The following GAD2 variants were observed in gnomAD, a reference collection of about 807,000 sequenced individuals.
The protein encoded by GAD2 is 65 kDa glutamic acid decarboxylase.
Under a neutral mutation model 80.1 loss-of-function variants are expected in GAD2, and 22 were observed. The observed-to-expected ratio is 0.27, with a 90% CI of 0.20 to 0.39. The LOEUF (loss-of-function observed/expected upper bound fraction) is 0.39. Among genes scored for constraint, GAD2 ranks in the 10% least tolerant of loss-of-function variants. The pLI, the probability that GAD2 is intolerant of heterozygous loss-of-function variation, is 1.00. For synonymous variants in GAD2, 274 were observed against 256.9 expected (o/e 1.07, Z -0.64); for missense variants, 624 against 738.4 (o/e 0.85, Z 1.80).
chr10:26,219,786 G>T (rs982972989), intron 4 of GAD2, among the ~76,000 whole-genome samples: 1 of 152,154 alleles, frequency 6.6e-6, no homozygotes, highest in Non-Finnish European at 1.5e-5. Context: ...CAACCTTTCA[G>T]ATTTGAATTC....
chr10:26,289,795 T>C (rs1834193910), intron 13 of GAD2, among the ~76,000 whole-genome samples: 1 of 73,680 alleles, frequency 1.4e-5, no homozygotes, highest in Non-Finnish European at 2.9e-5. Context: ...CCCCCCACCT[T>C]TTTTTTTTTT....
chr10:26,239,411 C>G (rs1263745361), intron 7 of GAD2, among the ~76,000 whole-genome samples: 1 of 152,158 alleles, frequency 6.6e-6, no homozygotes, highest in Non-Finnish European at 1.5e-5. Flanking sequence ...TTAGAATAGG[C>G]TTTAGATTTG....
chr10:26,284,333 G>A (rs1346474722), intron 12 of GAD2, among the ~76,000 whole-genome samples: 1 of 152,176 alleles, frequency 6.6e-6, no homozygotes, highest in Non-Finnish European at 1.5e-5. Flanking sequence ...CAGTATCTAA[G>A]AAGAAAGACT....
At chr10:26,246,285 C>T (rs1307147341) in intron 8 of GAD2, among the ~76,000 whole-genome samples, 1 of 152,172 alleles carries the variant, frequency 6.6e-6, no homozygotes, top group Non-Finnish European at 1.5e-5. Flanking sequence ...ATCACCTGGG[C>T]ACGTTAGCAA....
rs1251400548 is a variant in GAD2 at position 26,229,741 on chromosome 10, T to C, written c.804T>C (p.Ala268=). ...CAGAAGTCAAGGAGAAAGGAATGGC[T>C]GCTCTTCCCAGGCTCATTGCCTTCA... ...MFPEVKEKGM[A]ALPRLIAFTS... is the part of the protein sequence containing the mutation. The change falls in exon 7 of 16, where the codon GCT becomes GCC. Residue 268 remains alanine (A), a synonymous_variant. Coordinates refer to ENST00000376261, the MANE Select transcript of GAD2 (RefSeq NM_001134366.2). 1.2e-6 allele frequency: 2 copies of C among 1,613,982 alleles called. No individual in the cohort carries two copies. Among genetic ancestry groups the C allele is most frequent in the Non-Finnish European group, 1.7e-6 (2 of 1,179,960 alleles).
At position 26,300,899 on chromosome 10, in the gene GAD2, G is replaced by A. The variant is rs1834322405; in HGVS notation, c.1696G>A (p.Ala566Thr). Residue 566 changes from alanine (A) to threonine (T), a missense_variant, in exon 16 of 16, where the codon GCA (alanine) becomes ACA (threonine). Physicochemically the swap from Ala to Thr is moderately conservative, Grantham distance 58. Transcript: ENST00000376261. Reference sequence around the variant, plus strand: ...CCGCATGGTCATCTCAAACCCAGCGGCAACTCACCAAGACATTGACTTCCT... The same window carrying A: ...CCGCATGGTCATCTCAAACCCAGCGACAACTCACCAAGACATTGACTTCCT... ...FFRMVISNPA[A>T]THQDIDFLIE... 4 of 1,613,880 alleles carry A rather than the reference G, an allele frequency of 2.5e-6. No homozygotes were observed. The highest frequency in any genetic ancestry group is 3.4e-6 in the Non-Finnish European group (4 of 1,179,854).
intron 7 of GAD2, among the ~76,000 whole-genome samples, chr10:26,235,173 C>T (rs1844656695): frequency 6.6e-6 from 1 of 152,054 alleles, no homozygotes; most frequent in Non-Finnish European, 1.5e-5. Context: ...TGTGCCCGGC[C>T]CCGTTAGTTA....
intron 8 of GAD2, among the ~76,000 whole-genome samples, chr10:26,254,014 TTTTC>T (rs1179901048): frequency 1.3e-5 from 2 of 152,066 alleles, no homozygotes; most frequent in Non-Finnish European, 2.9e-5. Context: ...GTTAGATTCT[TTTTC>T]TTTTCTTTTA....
rs533457946 is a variant in GAD2 at position 26,260,450 on chromosome 10, G to A, written c.921-8669G>A. 3.3e-5 allele frequency among the ~76,000 whole-genome samples: 5 copies of A among 152,224 alleles called. No homozygotes were observed. In the South Asian group the frequency reaches 1.0e-3, roughly 32 times the overall value. On this transcript the variant is annotated intron_variant, in intron 8 of 15. Coordinates refer to ENST00000376261, the MANE Select transcript of GAD2 (RefSeq NM_001134366.2). The stretch of plus-strand genomic sequence containing the variant: ...TCGAGACCAGCCTGACCAACATGGT[G>A]AAACCCCATCTCTACTAAAAATAAA...
At chr10:26,219,378 A>T in intron 4 of GAD2, 102 bp downstream of exon 4, 1 of 750,066 alleles carries the variant, frequency 1.3e-6, no homozygotes, top group Admixed American at 3.3e-5. Context: ...TGATATTTTC[A>T]AAATTGCAAA....
chr10:26,286,377 C>T lies in GAD2; in HGVS notation c.1269C>T (p.Ala423=). The T allele has an allele frequency of 6.2e-7, 1 of 1,613,874 alleles. No homozygotes were observed. The highest frequency in any genetic ancestry group is 8.5e-7 in the Non-Finnish European group (1 of 1,179,900). ...TGCAGAATTGCAACCAAATGCATGC[C>T]TCCTACCTCTTTCAGCAAGATAAAC... ...GLMQNCNQMH[A]SYLFQQDKHY... Residue 423 remains alanine, a synonymous_variant, in exon 13 of 16, where the codon GCC becomes GCT. Transcript: ENST00000376261.
chr10:26,246,632 G>A (rs2132288347), intron 8 of GAD2, among the ~76,000 whole-genome samples: 1 of 152,316 alleles, frequency 6.6e-6, no homozygotes, highest in South Asian at 2.1e-4. Flanking sequence ...TAAATTTAAA[G>A]GAAGCCACTC....
intron 8 of GAD2, among the ~76,000 whole-genome samples, chr10:26,248,968 G>T (rs891241757): frequency 5.3e-5 from 8 of 152,334 alleles, no homozygotes; most frequent in Non-Finnish European, 1.2e-4. Flanking sequence ...AGGATCTCCA[G>T]TCAGGAAGGC....
chr10:26,216,860 T>C lies in GAD2; in HGVS notation c.51T>C (p.Ser17=). The C allele has an allele frequency of 6.2e-7, 1 of 1,612,158 alleles. No individual in the cohort carries two copies. Among genetic ancestry groups the C allele is most frequent in the Non-Finnish European group, 8.5e-7 (1 of 1,179,252 alleles). Residue 17 remains serine (S), a synonymous_variant, in exon 1 of 16, where the codon TCT becomes TCC. Coordinates refer to ENST00000376261, the MANE Select transcript of GAD2 (RefSeq NM_001134366.2). The surrounding 1 kb of genome is among the most constrained non-coding windows in gnomAD (Gnocchi z 4.7). ...GGTCTTTCGGGTCGGAAGATGGCTC[T>C]GGGGATTCCGAGAATCCCGGCACAG... is the stretch of plus-strand genomic sequence containing the variant. ...GFWSFGSEDG[S]GDSENPGTAR... is the part of the protein sequence containing the mutation.
At chr10:26,283,764 G>C (rs1174821348) in intron 12 of GAD2, among the ~76,000 whole-genome samples, 1 of 152,152 alleles carries the variant, frequency 6.6e-6, no homozygotes, top group Admixed American at 6.6e-5. Flanking sequence ...GAAAAGAAAA[G>C]GGCTGAAGGG....
At chr10:26,257,113 C>T (rs1459922124) in intron 8 of GAD2, among the ~76,000 whole-genome samples, 3 of 152,134 alleles carry the variant, frequency 2.0e-5, no homozygotes, top group Admixed American at 1.3e-4. Flanking sequence ...TGCGGTGGCT[C>T]ATGTCTGTAA....
At chr10:26,250,779 C>T (rs1469227358) in intron 8 of GAD2, among the ~76,000 whole-genome samples, 1 of 151,558 alleles carries the variant, frequency 6.6e-6, no homozygotes, top group African/African-American at 2.4e-5. Flanking sequence ...ACAGAAAAAT[C>T]ATAGTTCCAC....
At chr10:26,284,354 G>A (rs1302916936) in intron 12 of GAD2, among the ~76,000 whole-genome samples, 3 of 152,096 alleles carry the variant, frequency 2.0e-5, no homozygotes, top group African/African-American at 4.8e-5. Context: ...AGATGATATC[G>A]AGTTTCCTAA....
rs1388704523 is a variant in GAD2, at chr10:26,223,869, G to A, written c.521-18G>A. On this transcript the variant is annotated intron_variant, in intron 4 of 15. Coordinates refer to ENST00000376261, the MANE Select transcript of GAD2 (RefSeq NM_001134366.2). ...TTCACTGGAGGCAATCCTGATTCTG[G>A]TATTCCATTTTATTCAGGGCATCCT... is the stretch of plus-strand genomic sequence containing the variant. 2 of 1,515,510 alleles carry A rather than the reference G, an allele frequency of 1.3e-6. No individual in the cohort carries two copies. Among genetic ancestry groups the A allele is most frequent in the Non-Finnish European group, 9.1e-7 (1 of 1,104,652 alleles). The allele number at this position is 1,515,510 out of a possible 1,614,324, so 93.9% of individuals were successfully genotyped here.
Sources: allele counts gnomAD v4.1 joint callset (sites outside exome capture counted in the v4.1 genomes callset), GRCh38; gene constraint gnomAD v4.1.1; non-coding constraint Gnocchi (gnomAD v3.1); transcripts MANE v1.5; gene names NCBI Gene and HGNC (gene_info 2026-07-23, HGNC 2026-07-21).